Variants in NLGN1 observed in about 807,000 individuals in gnomAD.
The protein encoded by NLGN1 is neuroligin-1.
NLGN1 carries 12 observed loss-of-function variants against 65.5 expected under a neutral mutation model. The ratio of observed to expected loss-of-function variants is 0.18; its 90% confidence interval spans 0.12 to 0.30. The LOEUF is 0.30. Among genes scored for constraint, NLGN1 ranks in the 10% least tolerant of loss-of-function variants. NLGN1 has a pLI of 1.00. For synonymous variants in NLGN1, 350 were observed against 359.5 expected, an observed-to-expected ratio of 0.97 and a Z score of 0.30; for missense variants, 750 against 1,007.1, an observed-to-expected ratio of 0.74 and a Z score of 3.46.
intron 4 of NLGN1, among the ~76,000 whole-genome samples, chr3:174,230,032 C>A (rs948467531): frequency 1.3e-5 from 2 of 152,156 alleles, no homozygotes; most frequent in African/African-American, 2.4e-5. Flanking sequence ...TCATTGTAGT[C>A]TTCAGATGCA....
At chr3:173,553,789 T>C (rs1741266220) in intron 2 of NLGN1, among the ~76,000 whole-genome samples, 1 of 109,706 alleles carries the variant, frequency 9.1e-6, no homozygotes, top group South Asian at 3.3e-4. Context: ...ATTATATGTT[T>C]AGAAAAGCCG....
chr3:173,546,927 A>G (rs1277237043), intron 2 of NLGN1, among the ~76,000 whole-genome samples: 1 of 152,222 alleles, frequency 6.6e-6, no homozygotes, highest in Non-Finnish European at 1.5e-5. Flanking sequence ...GTGCATATGC[A>G]TAAAAAAGCA....
chr3:173,783,247 G>T (rs1427780547), intron 3 of NLGN1, among the ~76,000 whole-genome samples: 2 of 152,178 alleles, frequency 1.3e-5, no homozygotes, highest in Non-Finnish European at 2.9e-5. Flanking sequence ...ATTAAAAAGA[G>T]ACCATTACAT....
At chr3:173,945,767 C>T (rs1747027789) in intron 4 of NLGN1, among the ~76,000 whole-genome samples, 1 of 152,154 alleles carries the variant, frequency 6.6e-6, no homozygotes, top group Non-Finnish European at 1.5e-5. Context: ...AATGTACCTA[C>T]CTGGTTGCAC....
At chr3:174,001,514 C>T (rs953438291) in intron 4 of NLGN1, among the ~76,000 whole-genome samples, 9 of 152,122 alleles carry the variant, frequency 5.9e-5, no homozygotes, top group African/African-American at 2.2e-4. Context: ...GAGAAAAGAT[C>T]AGTAACTAAA....
At chr3:174,096,791 T>A (rs747574939) in intron 4 of NLGN1, among the ~76,000 whole-genome samples, 1 of 152,092 alleles carries the variant, frequency 6.6e-6, no homozygotes, top group Non-Finnish European at 1.5e-5. Context: ...CTTTTTATAA[T>A]TAAGAATATT....
intron 4 of NLGN1, among the ~76,000 whole-genome samples, chr3:174,038,223 C>T (rs1025954526): frequency 7.2e-5 from 11 of 152,244 alleles, no homozygotes; most frequent in Admixed American, 6.5e-4. Context: ...AGTCATGGAA[C>T]TTTACTGCCC....
At chr3:174,173,647 C>T (rs1728939185) in intron 4 of NLGN1, among the ~76,000 whole-genome samples, 1 of 151,648 alleles carries the variant, frequency 6.6e-6, no homozygotes, top group Admixed American at 6.6e-5. Flanking sequence ...TTGAACCATC[C>T]TTGCATCACT....
At chr3:173,604,878 C>T (rs374685079) in exon 3 of NLGN1, 6 of 1,613,514 alleles carry the variant, frequency 3.7e-6, no homozygotes, top group Non-Finnish European at 4.2e-6. Flanking sequence ...AGGGGAACGT[C>T]GTTTTCAGCC....
intron 4 of NLGN1, among the ~76,000 whole-genome samples, chr3:173,921,576 G>C (rs1161971833): frequency 6.6e-6 from 1 of 151,780 alleles, no homozygotes; most frequent in East Asian, 1.9e-4. Context: ...TTTCAGTTAA[G>C]AGATTATCAA....
chr3:173,493,269 C>A (rs1328852294), intron 2 of NLGN1, among the ~76,000 whole-genome samples: 1 of 151,722 alleles, frequency 6.6e-6, no homozygotes. Flanking sequence ...GAGATATGAA[C>A]CACAGTCCCT....
chr3:173,756,875 G>A (rs1246538686), intron 3 of NLGN1, among the ~76,000 whole-genome samples: 1 of 150,988 alleles, frequency 6.6e-6, no homozygotes, highest in Non-Finnish European at 1.5e-5. Flanking sequence ...TTTTTTGTGT[G>A]TTAAAAAGAA....
At position 173,406,172 on chromosome 3, in the gene NLGN1, C is replaced by G. The variant is rs568539940; in HGVS notation, c.-390+7685C>G. On this transcript the variant is annotated intron_variant, in intron 1 of 6. Coordinates refer to ENST00000457714, the Ensembl canonical transcript of NLGN1. Reference sequence around the variant, plus strand: ...AGAACAAAAGTAGGATTTAGGAACTCTTATCCTCAAATATACTGGATGAGA... The same window carrying G: ...AGAACAAAAGTAGGATTTAGGAACTGTTATCCTCAAATATACTGGATGAGA... 9.3e-4 allele frequency among the ~76,000 whole-genome samples: 142 copies of G among 152,054 alleles called. 2 individuals carry two copies. Among genetic ancestry groups the G allele is most frequent in the Non-Finnish European group, 9.1e-4 (62 of 67,954 alleles).
At chr3:173,491,529 T>C (rs748104827) in intron 2 of NLGN1, among the ~76,000 whole-genome samples, 2 of 151,858 alleles carry the variant, frequency 1.3e-5, no homozygotes, top group African/African-American at 2.4e-5. Flanking sequence ...GCATCAATGG[T>C]CATCAAGGAT....
intron 3 of NLGN1, among the ~76,000 whole-genome samples, chr3:173,715,457 G>C (rs1179364576): frequency 6.6e-6 from 1 of 152,086 alleles, no homozygotes; most frequent in African/African-American, 2.4e-5. Context: ...TTCTTGGCGT[G>C]ATTCTTCTCT....
At chr3:173,994,465 CAAAAAAAAAAAAA>C (rs1170577220) in intron 4 of NLGN1, among the ~76,000 whole-genome samples, 1 of 32,908 alleles carries the variant, frequency 3.0e-5, no homozygotes. Context: ...TTGAGAAAAG[CAAAAAAAAAAAAA>C]AAAAAAAAAA....
At chr3:173,785,851 C>T (rs1781870798) in intron 3 of NLGN1, among the ~76,000 whole-genome samples, 1 of 152,108 alleles carries the variant, frequency 6.6e-6, no homozygotes, top group African/African-American at 2.4e-5. Flanking sequence ...CTTATAGTAT[C>T]AAACATTTCC....
intron 4 of NLGN1, among the ~76,000 whole-genome samples, chr3:174,097,785 A>G (rs1282093939): frequency 6.6e-6 from 1 of 152,202 alleles, no homozygotes; most frequent in Non-Finnish European, 1.5e-5. Flanking sequence ...TCCTAAGGGA[A>G]GTGGTCAGAG....
At chr3:173,852,609 T>C (rs1290661316) in intron 4 of NLGN1, among the ~76,000 whole-genome samples, 1 of 152,128 alleles carries the variant, frequency 6.6e-6, no homozygotes, top group Non-Finnish European at 1.5e-5. Flanking sequence ...TAATTGTTAG[T>C]AATACGTTTA....
Sources: gnomAD v4.1 joint callset for allele counts (sites outside exome capture counted in the v4.1 genomes callset) on GRCh38, gnomAD v4.1.1 for gene constraint, MANE v1.5 for transcripts, NCBI Gene and HGNC (gene_info 2026-07-23, HGNC 2026-07-21) for gene names.